The following ADAM19 variants were observed in gnomAD, a reference collection of about 807,000 sequenced individuals.
ADAM19 encodes ADAM metallopeptidase domain 19.
Under a neutral mutation model 114.7 loss-of-function variants are expected in ADAM19, and 65 were observed. The ratio of observed to expected loss-of-function variants is 0.57; its 90% CI spans 0.46 to 0.70. The LOEUF (loss-of-function observed/expected upper bound fraction) is 0.70, where lower values mean the gene tolerates loss of function less well. Ranked by LOEUF, ADAM19 falls within the 30% of genes least tolerant of loss-of-function variation. ADAM19 has a pLI of 0.00. For missense variants in ADAM19, 1,063 were observed against 1,204.7 expected (o/e 0.88, Z 1.74); for synonymous variants, 466 against 460.5 (o/e 1.01, Z -0.15).
At chr5:157,492,112 T>C (rs1359258328) in intron 16 of ADAM19, among the ~76,000 whole-genome samples, 200 bp from the exon 17 acceptor site, 2 of 151,964 alleles carry the variant, frequency 1.3e-5, no homozygotes, top group Admixed American at 6.6e-5. Flanking sequence ...GCCAACATGG[T>C]GAAACTCCAT....
chr5:157,518,683 C>T (rs539895986), intron 7 of ADAM19, 140 bp downstream of exon 7: 53 of 827,726 alleles, frequency 6.4e-5, no homozygotes, highest in Middle Eastern at 2.6e-4. Context: ...CGCGCCCAGC[C>T]TTTGGTGAGA....
chr5:157,484,131 T>A (rs914446949), intron 21 of ADAM19, among the ~76,000 whole-genome samples: 2 of 152,206 alleles, frequency 1.3e-5, no homozygotes, highest in Non-Finnish European at 2.9e-5. Context: ...GGCTTTGCCC[T>A]GACTACCTTA....
chr5:157,542,135 T>G (rs1428972302), intron 3 of ADAM19, among the ~76,000 whole-genome samples: 1 of 152,192 alleles, frequency 6.6e-6, no homozygotes. Context: ...CCTGCCTATG[T>G]TAGTAATAAT....
intron 13 of ADAM19, among the ~76,000 whole-genome samples, chr5:157,498,354 C>A (rs1755432514): frequency 6.6e-6 from 1 of 152,194 alleles, no homozygotes; most frequent in African/African-American, 2.4e-5. Flanking sequence ...AGGACCTGCC[C>A]CACAGCCAGC....
At chr5:157,486,325 A>C (rs1754929131) in intron 21 of ADAM19, among the ~76,000 whole-genome samples, 2 of 152,274 alleles carry the variant, frequency 1.3e-5, no homozygotes, top group Non-Finnish European at 2.9e-5. Context: ...ATGTCATCAC[A>C]GCAGCCCCCA....
rs770486626 is a variant in ADAM19, at chr5:157,479,306, G to C, written c.*1643C>G. On this transcript the variant is annotated 3_prime_UTR_variant, in exon 23 of 23. Transcript: ENST00000257527. ...CCAAGAAGCACCTATTGTGTGCAGAGAACTATAAGGAGGCCCTGGGGTGGT... is the reference window on the plus strand; with the variant it reads ...CCAAGAAGCACCTATTGTGTGCAGACAACTATAAGGAGGCCCTGGGGTGGT... 55 of 985,804 alleles carry C rather than the reference G, an allele frequency of 5.6e-5. No homozygotes were observed. Among genetic ancestry groups the C allele is most frequent in the Non-Finnish European group, 6.4e-5 (53 of 830,014 alleles). The allele number at this position is 985,804 out of a possible 1,614,324, so 61.1% of individuals were successfully genotyped here. A position where few individuals can be genotyped will look rare whatever the true frequency, so the allele number is the denominator to read the frequency against.
chr5:157,534,951 G>GACAAGTTCTAGCCTAAGCCTTGCC (rs1474500907), intron 4 of ADAM19, among the ~76,000 whole-genome samples: 1 of 152,186 alleles, frequency 6.6e-6, no homozygotes, highest in Non-Finnish European at 1.5e-5. Flanking sequence ...CAACAAAGGA[G>GACAAGTTCTAGCCTAAGCCTTGCC]ACAAGTTCTA....
chr5:157,564,882 C>A (rs1385792011), intron 2 of ADAM19, among the ~76,000 whole-genome samples: 1 of 152,162 alleles, frequency 6.6e-6, no homozygotes, highest in Non-Finnish European at 1.5e-5. Flanking sequence ...TGATGGGGAT[C>A]TTGTAAGGAT....
At chr5:157,546,557 A>C (rs1561551555) in intron 3 of ADAM19, among the ~76,000 whole-genome samples, 1 of 152,168 alleles carries the variant, frequency 6.6e-6, no homozygotes, top group East Asian at 1.9e-4. Flanking sequence ...CAACACTTAG[A>C]TCACTCTTTT....
Position 157,490,318 on chromosome 5 carries a change from T to C in ADAM19, c.2232A>G (p.Gln744=). 1 of 1,614,162 alleles carries C rather than the reference T, an allele frequency of 6.2e-7. No individual in the cohort carries two copies. The part of the protein sequence containing the change: ...KPSALPSKLR[Q]QFSCPFRVSQ... The stretch of plus-strand genomic sequence containing the variant: ...ATTGAACCCTGTCATACCTGAACTG[T>C]TGCCTCAGCTTGGAAGGGAGAGCTG... Residue 744 remains glutamine (Q), a synonymous_variant, in exon 19 of 23, where the codon CAA becomes CAG. Coordinates refer to ENST00000257527, the MANE Select transcript of ADAM19 (RefSeq NM_033274.5).
chr5:157,539,657 G>T (rs762194710), intron 3 of ADAM19, among the ~76,000 whole-genome samples: 1 of 152,226 alleles, frequency 6.6e-6, no homozygotes, highest in Non-Finnish European at 1.5e-5. Context: ...TTTGTGAAGA[G>T]AAATTCTCAT....
intron 5 of ADAM19, among the ~76,000 whole-genome samples, chr5:157,530,192 C>CA (rs1756585340): frequency 1.3e-5 from 2 of 151,496 alleles, no homozygotes; most frequent in African/African-American, 4.9e-5. Flanking sequence ...GCAAGCCAAC[C>CA]AATCCAGAGT....
At chr5:157,544,504 AG>A (rs1756999555) in intron 3 of ADAM19, among the ~76,000 whole-genome samples, 1 of 152,190 alleles carries the variant, frequency 6.6e-6, no homozygotes, top group African/African-American at 2.4e-5. Context: ...TTTGGCCAGC[AG>A]GGTCTTTACT....
At chr5:157,505,293 T>C (rs1165948225) in intron 11 of ADAM19, among the ~76,000 whole-genome samples, 4 of 152,050 alleles carry the variant, frequency 2.6e-5, no homozygotes, top group Admixed American at 6.5e-5. Context: ...AAGCCTGGAA[T>C]TGAAACAGCA....
Position 157,502,796 on chromosome 5 carries a change from C to CGG in ADAM19, c.1308+6_1308+7insCC. The CGG allele has an allele frequency of 6.2e-7, 1 of 1,606,730 alleles. No individual in the cohort carries two copies. Among genetic ancestry groups the CGG allele is most frequent in the Non-Finnish European group, 8.5e-7 (1 of 1,173,594 alleles). On this transcript the variant is annotated splice_region_variant and intron_variant, in intron 12 of 22. Transcript: ENST00000257527. ...CCCCTCCCACTAGCACCATTGTGAC[C>CGG]CCTCACCTCTTCTTCTCCACAGTCA...
intron 1 of ADAM19, among the ~76,000 whole-genome samples, chr5:157,572,926 T>G (rs1427969284): frequency 6.6e-6 from 1 of 152,064 alleles, no homozygotes; most frequent in East Asian, 1.9e-4. Flanking sequence ...GGCGCATGCC[T>G]GTAATCCCAG....
At position 157,482,117 on chromosome 5, in the gene ADAM19, C is replaced by A. The variant is rs1581281074; in HGVS notation, c.2551-174G>T. ...TATTCTCAAGAGGAAGTCAGGAGAG[C>A]AAGCTGGCAGTATCTATTAAAATTA... On this transcript the variant is annotated intron_variant, in intron 21 of 22. Coordinates refer to ENST00000257527, the MANE Select transcript of ADAM19 (RefSeq NM_033274.5). Among the ~76,000 whole-genome samples the A allele has an allele frequency of 1.3e-5, 2 of 152,312 alleles. 1 individual carries two copies. Among genetic ancestry groups the A allele is most frequent in the East Asian group, 3.9e-4 (2 of 5,184 alleles).
chr5:157,486,579 C>T (rs1048533797), intron 21 of ADAM19, among the ~76,000 whole-genome samples: 5 of 152,114 alleles, frequency 3.3e-5, no homozygotes, highest in Non-Finnish European at 5.9e-5. Flanking sequence ...CGGCTCAGCA[C>T]CTAGGGGTGA....
chr5:157,547,830 A>G (rs1757090375), intron 3 of ADAM19, among the ~76,000 whole-genome samples: 1 of 152,134 alleles, frequency 6.6e-6, no homozygotes, highest in African/African-American at 2.4e-5. Flanking sequence ...TCTTCCCTAA[A>G]TTAGTCCTTC....
Sources: allele counts gnomAD v4.1 joint callset (sites outside exome capture counted in the v4.1 genomes callset), GRCh38; gene constraint gnomAD v4.1.1; transcripts MANE v1.5; gene names NCBI Gene and HGNC (gene_info 2026-07-23, HGNC 2026-07-21).